ARPP21: variants seen among roughly 807,000 people sequenced by gnomAD.
ARPP21 encodes the protein cAMP-regulated phosphoprotein 21.
A neutral mutation model predicts 113.2 loss-of-function variants in ARPP21; 69 were observed. That is an observed-to-expected ratio of 0.61 (90% CI 0.50 to 0.74). The LOEUF (loss-of-function observed/expected upper bound fraction) is 0.74. ARPP21 is among the 30% of genes least tolerant of loss of function. The pLI is 0.00. For missense variants in ARPP21, 1,070 were observed against 1,037.4 expected, an observed-to-expected ratio of 1.03 and a Z score of -0.43; for synonymous variants, 368 against 375.5, an observed-to-expected ratio of 0.98 and a Z score of 0.23.
At chr3:35,743,540 G>A (rs540812597) in intron 18 of ARPP21, among the ~76,000 whole-genome samples, 2 of 152,152 alleles carry the variant, frequency 1.3e-5, no homozygotes, top group South Asian at 2.1e-4. Context: ...TGGGTTCCCC[G>A]CCTACAGACG....
chr3:35,769,565 A>G (rs2096120207), intron 19 of ARPP21, among the ~76,000 whole-genome samples: 1 of 152,132 alleles, frequency 6.6e-6, no homozygotes, highest in Admixed American at 6.6e-5. Flanking sequence ...AAATTATTTA[A>G]TGGTCCTGAG....
chr3:35,764,863 A>G (rs2151384763), intron 19 of ARPP21, among the ~76,000 whole-genome samples: 1 of 152,272 alleles, frequency 6.6e-6, no homozygotes, highest in Middle Eastern at 3.4e-3. Context: ...AGGAATATAG[A>G]GGAATTTTAC....
chr3:35,698,688 G>A (rs184972553), intron 9 of ARPP21, among the ~76,000 whole-genome samples: 13 of 151,602 alleles, frequency 8.6e-5, no homozygotes, highest in African/African-American at 2.9e-4. Flanking sequence ...ACATTAACAG[G>A]CTTAATACTC....
chr3:35,744,715 C>T (rs1559824903), intron 19 of ARPP21, among the ~76,000 whole-genome samples: 1 of 152,112 alleles, frequency 6.6e-6, no homozygotes, highest in Non-Finnish European at 1.5e-5. Flanking sequence ...GGAGACTCTG[C>T]CTTCTGTAAG....
chr3:35,675,102 T>C (rs2077151131), intron 1 of ARPP21, among the ~76,000 whole-genome samples: 1 of 151,728 alleles, frequency 6.6e-6, no homozygotes, highest in Non-Finnish European at 1.5e-5. Context: ...TCAGTTAGGC[T>C]AACTAATTTC....
intron 5 of ARPP21, chr3:35,684,573 T>A (rs2079989780): frequency 1.0e-6 from 1 of 985,438 alleles, no homozygotes; most frequent in Non-Finnish European, 1.2e-6. Flanking sequence ...TGTACTTATT[T>A]TATCAGAGGC....
intron 19 of ARPP21, among the ~76,000 whole-genome samples, chr3:35,748,063 GAAGGAAGA>G (rs1252591926): frequency 2.5e-4 from 18 of 71,494 alleles, no homozygotes; most frequent in African/African-American, 1.1e-3. Flanking sequence ...AAGGAAGAAG[GAAGGAAGA>G]AAGAAAGAAA....
At chr3:35,686,080 C>G (rs921368317) in intron 5 of ARPP21, among the ~76,000 whole-genome samples, 1 of 151,654 alleles carries the variant, frequency 6.6e-6, no homozygotes, top group Non-Finnish European at 1.5e-5. Flanking sequence ...TTCATACATA[C>G]AGAGGCTGGT....
At chr3:35,667,059 C>G (rs1012084809) in intron 1 of ARPP21, among the ~76,000 whole-genome samples, 1 of 152,100 alleles carries the variant, frequency 6.6e-6, no homozygotes, top group Non-Finnish European at 1.5e-5. Flanking sequence ...TCTGCCTCAC[C>G]CCTAGAGTGA....
intron 5 of ARPP21, chr3:35,685,410 C>T: frequency 1.0e-6 from 1 of 985,024 alleles, no homozygotes; most frequent in African/African-American, 1.7e-5. Context: ...TAGAAAACAT[C>T]CAGACACACA....
intron 19 of ARPP21, among the ~76,000 whole-genome samples, chr3:35,790,424 A>G (rs2151897629): frequency 6.6e-6 from 1 of 152,356 alleles, no homozygotes; most frequent in South Asian, 2.1e-4. Flanking sequence ...AAATGGTAAA[A>G]TAGCCACAGA....
At chr3:35,740,833 C>T (rs2094609285) in intron 18 of ARPP21, among the ~76,000 whole-genome samples, 1 of 152,120 alleles carries the variant, frequency 6.6e-6, no homozygotes, top group Non-Finnish European at 1.5e-5. Context: ...CTTAGTGGCT[C>T]AGACCTTTAA....
At chr3:35,657,898 T>C (rs754711166) in intron 1 of ARPP21, among the ~76,000 whole-genome samples, 2 of 152,162 alleles carry the variant, frequency 1.3e-5, no homozygotes, top group African/African-American at 2.4e-5. Context: ...GCATCCACTC[T>C]ACAGTAACAG....
chr3:35,725,487 T>C (rs528538240), intron 14 of ARPP21, among the ~76,000 whole-genome samples: 1 of 152,142 alleles, frequency 6.6e-6, no homozygotes, highest in Non-Finnish European at 1.5e-5. Flanking sequence ...CAAAAGGGTA[T>C]GTTGAGGTCT....
At chr3:35,738,415 G>T in intron 17 of ARPP21, 97 bp downstream of exon 17, 2 of 960,360 alleles carry the variant, frequency 2.1e-6, no homozygotes, top group Non-Finnish European at 3.2e-6. Context: ...TGGGGTGGGT[G>T]CCCTGGGCTG....
intron 3 of ARPP21, among the ~76,000 whole-genome samples, 178 bp downstream of exon 3, chr3:35,682,058 T>C (rs1469745387): frequency 6.6e-6 from 1 of 151,930 alleles, no homozygotes; most frequent in African/African-American, 2.4e-5. Context: ...AACCGTGCTC[T>C]AAAATGTGTT....
intron 19 of ARPP21, among the ~76,000 whole-genome samples, chr3:35,781,833 T>A (rs1025509532): frequency 2.0e-5 from 3 of 152,152 alleles, no homozygotes; most frequent in Non-Finnish European, 4.4e-5. Flanking sequence ...ATGAAAACTT[T>A]AAAAATGTTT....
chr3:35,661,703 C>T (rs1220288629), intron 1 of ARPP21, among the ~76,000 whole-genome samples: 4 of 152,252 alleles, frequency 2.6e-5, no homozygotes, highest in Non-Finnish European at 5.9e-5. Flanking sequence ...CTTTTGTAGG[C>T]AACAATAATA....
chr3:35,728,841 C>T (rs2093742050), intron 14 of ARPP21, among the ~76,000 whole-genome samples: 2 of 152,300 alleles, frequency 1.3e-5, no homozygotes, highest in East Asian at 3.9e-4. Flanking sequence ...ACCAGTACTT[C>T]AGAACCATGC....
Sources: gnomAD v4.1 joint callset for allele counts (sites outside exome capture counted in the v4.1 genomes callset) on GRCh38, gnomAD v4.1.1 for gene constraint, MANE v1.5 for transcripts, NCBI Gene and HGNC (gene_info 2026-07-23, HGNC 2026-07-21) for gene names.